The following CADPS variants were observed in gnomAD, a reference collection of about 807,000 sequenced individuals.
The protein encoded by CADPS is calcium-dependent secretion activator 1.
Under a neutral mutation model 167.3 loss-of-function variants are expected in CADPS, and 57 were observed. That is an observed-to-expected ratio of 0.34 (90% CI 0.28 to 0.42). The LOEUF is 0.42. Ranked by LOEUF, CADPS falls within the 20% of genes least tolerant of loss-of-function variation. The pLI is 1.00. For synonymous variants in CADPS, 676 were observed against 635.3 expected (o/e 1.06, Z -0.96); for missense variants, 1,414 against 1,738.1 (o/e 0.81, Z 3.32).
intron 1 of CADPS, among the ~76,000 whole-genome samples, chr3:62,776,429 C>T (rs1431082081): frequency 2.6e-5 from 4 of 152,102 alleles, no homozygotes; most frequent in East Asian, 3.9e-4. Flanking sequence ...CCGAAGCAGG[C>T]GGATCACGAG....
intron 24 of CADPS, among the ~76,000 whole-genome samples, chr3:62,471,214 C>G (rs978589872): frequency 8.5e-5 from 13 of 152,230 alleles, no homozygotes; most frequent in Middle Eastern, 3.4e-3. Context: ...GCAACTTATT[C>G]TTCTATAAAA....
intron 9 of CADPS, among the ~76,000 whole-genome samples, chr3:62,567,213 A>G (rs2080378022): frequency 6.6e-6 from 1 of 151,914 alleles, no homozygotes; most frequent in African/African-American, 2.4e-5. Context: ...TACTTCTCCT[A>G]AGTACTTCAT....
At chr3:62,808,150 G>C (rs1248482695) in intron 1 of CADPS, among the ~76,000 whole-genome samples, 1 of 152,050 alleles carries the variant, frequency 6.6e-6, no homozygotes. Context: ...TGGGATTACA[G>C]GTATGAGCCA....
chr3:62,439,141 A>G (rs1414899258), intron 27 of CADPS: 1 of 152,148 alleles, frequency 6.6e-6, no homozygotes, highest in Non-Finnish European at 1.5e-5. Context: ...CAGTAGATAT[A>G]TATGTCTGCT....
intron 7 of CADPS, among the ~76,000 whole-genome samples, chr3:62,588,938 G>C (rs1001940986): frequency 1.3e-5 from 2 of 152,174 alleles, no homozygotes; most frequent in African/African-American, 4.8e-5. Flanking sequence ...GGTACATGCA[G>C]AGACTATCTG....
rs866361794 is a variant in CADPS at position 62,812,760 on chromosome 3, G to T, written c.442-46776C>A. Among the ~76,000 whole-genome samples the T allele has an allele frequency of 7.9e-5, 12 of 152,246 alleles. No homozygotes were observed. The South Asian group carries it at 1.7e-3, about 21-fold the overall frequency. On this transcript the variant is annotated intron_variant, in intron 1 of 29. Transcript: ENST00000383710. ...CCCCTTTCTGAATTACAAGTGAGTG[G>T]ATTATGCATCTCTCCATAAGAGAGA...
At chr3:62,626,471 A>C (rs1156239622) in intron 6 of CADPS, 2 of 701,692 alleles carry the variant, frequency 2.9e-6, no homozygotes, top group African/African-American at 3.5e-5. Context: ...GTGACTCTTC[A>C]AGCACAAATC....
intron 6 of CADPS, among the ~76,000 whole-genome samples, chr3:62,622,809 A>C (rs1454504113): frequency 1.3e-5 from 2 of 152,196 alleles, no homozygotes; most frequent in South Asian, 2.1e-4. Context: ...AAGTTTGACA[A>C]TAGCCAACTT....
intron 7 of CADPS, 61 bp downstream of exon 7, chr3:62,592,576 C>A (rs2086295984): frequency 7.7e-7 from 1 of 1,304,988 alleles, no homozygotes; most frequent in South Asian, 1.2e-5. Flanking sequence ...GACCTGTGCA[C>A]TGGAGACCTA....
At position 62,536,587 on chromosome 3, in the gene CADPS, C is replaced by G; in HGVS notation, c.1967-6G>C. The G allele has an allele frequency of 6.2e-7, 1 of 1,612,340 alleles. No homozygotes were observed. Among genetic ancestry groups the G allele is most frequent in the Non-Finnish European group, 8.5e-7 (1 of 1,178,860 alleles). ...TTTTTGAGCTCTATCTGCGTCTGTT[C>G]ATTTATACATGTAGAGAGAGACACA... On this transcript the variant is annotated splice_polypyrimidine_tract_variant and splice_region_variant and intron_variant, in intron 11 of 29. Coordinates refer to ENST00000383710, the MANE Select transcript of CADPS (RefSeq NM_003716.4).
At chr3:62,827,075 T>G (rs1051439441) in intron 1 of CADPS, among the ~76,000 whole-genome samples, 1 of 152,126 alleles carries the variant, frequency 6.6e-6, no homozygotes, top group African/African-American at 2.4e-5. Context: ...CACATCCCAG[T>G]AGATAATTTG....
chr3:62,729,804 C>T (rs1025176513), intron 3 of CADPS, among the ~76,000 whole-genome samples: 2 of 151,802 alleles, frequency 1.3e-5, no homozygotes, highest in African/African-American at 4.9e-5. Flanking sequence ...GAAGGGAGAC[C>T]TTCTTTGCAT....
chr3:62,801,293 C>T (rs948928519), intron 1 of CADPS, among the ~76,000 whole-genome samples: 1 of 151,868 alleles, frequency 6.6e-6, no homozygotes, highest in Non-Finnish European at 1.5e-5. Context: ...AATCTCTGCC[C>T]CACAACTGTT....
At chr3:62,585,414 C>A (rs2084382209) in intron 7 of CADPS, 90 bp from the exon 8 acceptor site, 6 of 1,336,978 alleles carry the variant, frequency 4.5e-6, no homozygotes, top group Non-Finnish European at 6.2e-6. Context: ...AGTGGAGTGA[C>A]TTGAACAATT....
intron 6 of CADPS, among the ~76,000 whole-genome samples, chr3:62,611,873 GCT>G (rs2061548132): frequency 1.3e-5 from 2 of 152,042 alleles, no homozygotes; most frequent in South Asian, 4.2e-4. Context: ...CTTCTTCCCT[GCT>G]CTTTTTTCTC....
Position 62,602,886 on chromosome 3 carries a change from T to G in CADPS, c.1326-10138A>C, listed in dbSNP as rs1224386801. On this transcript the variant is annotated intron_variant, in intron 6 of 29. Transcript: ENST00000383710. The surrounding 1 kb of genome is among the most constrained non-coding windows in gnomAD (Gnocchi z 4.4). ...GCCAGCCACCCAGACATCATTCTTATTTGCCTCTCTTTGCCACATGTCCGT... is the reference window on the plus strand; with the variant it reads ...GCCAGCCACCCAGACATCATTCTTAGTTGCCTCTCTTTGCCACATGTCCGT... Among the ~76,000 whole-genome samples the G allele has an allele frequency of 1.3e-5, 2 of 152,186 alleles. No homozygotes were observed. Among genetic ancestry groups the G allele is most frequent in the Admixed American group, 1.3e-4 (2 of 15,274 alleles).
chr3:62,697,209 T>G (rs540511501), intron 3 of CADPS, among the ~76,000 whole-genome samples: 6 of 152,192 alleles, frequency 3.9e-5, no homozygotes, highest in Non-Finnish European at 7.3e-5. Flanking sequence ...GGTGTACCCT[T>G]CAGCCGAGTA....
intron 26 of CADPS, among the ~76,000 whole-genome samples, chr3:62,447,050 G>A (rs2057330334): frequency 6.6e-6 from 1 of 152,112 alleles, no homozygotes; most frequent in Non-Finnish European, 1.5e-5. Context: ...TTTCCAAAAT[G>A]TCAGCTCTCA....
intron 1 of CADPS, among the ~76,000 whole-genome samples, chr3:62,828,433 G>A (rs1201303452): frequency 6.6e-6 from 1 of 152,110 alleles, no homozygotes; most frequent in Non-Finnish European, 1.5e-5. Context: ...CTACTGACAA[G>A]GAACTGGGCA....
Sources: gnomAD v4.1 joint callset for allele counts (sites outside exome capture counted in the v4.1 genomes callset) on GRCh38, gnomAD v4.1.1 for gene constraint, Gnocchi (gnomAD v3.1) non-coding constraint, MANE v1.5 for transcripts, NCBI Gene and HGNC (gene_info 2026-07-23, HGNC 2026-07-21) for gene names.